FLVCR2: variants seen among roughly 807,000 people sequenced by gnomAD.
FLVCR2 encodes choline/ethanolamine transporter FLVCR2.
A neutral mutation model predicts 48.9 loss-of-function variants in FLVCR2; 38 were observed. That is an observed-to-expected ratio of 0.78 (90% CI 0.60 to 1.02). The LOEUF (loss-of-function observed/expected upper bound fraction) is 1.02, where lower values mean the gene tolerates loss of function less well. FLVCR2 is among the 50% of genes least tolerant of loss of function. The pLI, the probability that FLVCR2 is intolerant of heterozygous loss-of-function variation, is 0.00. For synonymous variants in FLVCR2, 255 were observed against 257.0 expected (o/e 0.99, Z 0.07); for missense variants, 664 against 663.3 (o/e 1.00, Z -0.01).
rs188965464 is a variant in FLVCR2 at position 75,636,079 on chromosome 14, A to T, written c.1124+1066A>T. Among the ~76,000 whole-genome samples the T allele has an allele frequency of 9.2e-5, 14 of 152,280 alleles. No individual in the cohort carries two copies. The East Asian group carries it at 2.7e-3, about 29-fold the overall frequency. ...TGTGATTTTCCAGTGCTCCCCGTTC[A>T]CTGGGTACTCAGTTAGCACTGGCTG... On this transcript the variant is annotated intron_variant, in intron 5 of 9. Coordinates refer to ENST00000238667, the MANE Select transcript of FLVCR2 (RefSeq NM_017791.3).
At chr14:75,609,121 ATAT>A (rs1889372251) in intron 1 of FLVCR2, among the ~76,000 whole-genome samples, 1 of 152,118 alleles carries the variant, frequency 6.6e-6, no homozygotes, top group African/African-American at 2.4e-5. Flanking sequence ...TATTGAACAA[ATAT>A]TATTGAGCAT....
At chr14:75,611,999 C>T (rs574409166) in intron 1 of FLVCR2, among the ~76,000 whole-genome samples, 2 of 152,206 alleles carry the variant, frequency 1.3e-5, no homozygotes, top group African/African-American at 2.4e-5. Context: ...AGTTTAGCCT[C>T]ATCGCTTACT....
chr14:75,582,294 G>A (rs535627530), intron 1 of FLVCR2, among the ~76,000 whole-genome samples: 1 of 152,330 alleles, frequency 6.6e-6, no homozygotes, highest in East Asian at 1.9e-4. Context: ...CAGCATGGTG[G>A]TGTAGGATAT....
At chr14:75,645,884 C>T (rs1566799582) in intron 9 of FLVCR2, among the ~76,000 whole-genome samples, 2 of 146,592 alleles carry the variant, frequency 1.4e-5, no homozygotes, top group Admixed American at 6.9e-5. Flanking sequence ...CGCCATTGCA[C>T]TCCAGCCTAG....
At position 75,634,927 on chromosome 14, in the gene FLVCR2, TG is replaced by T. The variant is rs1253649519; in HGVS notation, c.1040del (p.Gly347GlufsTer5). 4 of 1,613,582 alleles carry T rather than the reference TG, an allele frequency of 2.5e-6. No individual in the cohort carries two copies. The highest frequency in any genetic ancestry group is 3.4e-6 in the Non-Finnish European group (4 of 1,179,638). On this transcript the variant is annotated frameshift_variant, in exon 5 of 10. Transcript: ENST00000238667. LOFTEE classifies it high-confidence loss of function. The part of the protein sequence containing the change: ...WHYPGEEVNA[G>X]RIGLTIVIAG... ...TTCCCCAGGGGGAAGAAGTGAATGC[TG>T]GAAGAATTGGCCTGACGATCGTCAT... is the stretch of plus-strand genomic sequence containing the variant.
rs33996926 is a variant in FLVCR2 at position 75,645,917 on chromosome 14, CAAA to C, written c.1510-464_1510-462del. Among the ~76,000 whole-genome samples the C allele has an allele frequency of 2.9e-3, 272 of 93,864 alleles. 1 individual carries two copies. The highest frequency in any genetic ancestry group is 8.8e-3 in the East Asian group (26 of 2,946). The allele number at this position is 93,864 out of a possible 152,430, so 61.6% of individuals were successfully genotyped here. On this transcript the variant is annotated intron_variant, in intron 9 of 9. Transcript: ENST00000238667. ...TAGGCAGCAAAGTGAGACTCCATCT[CAAA>C]AAAAAAAAAAAAAAAAAAAGTATTC... is the stretch of plus-strand genomic sequence containing the variant.
Position 75,578,909 on chromosome 14 carries a change from C to T in FLVCR2, c.-64C>T, listed in dbSNP as rs899158556. 6.9e-7 allele frequency: 1 copy of T among 1,456,508 alleles called. No individual in the cohort carries two copies. The highest frequency in any genetic ancestry group is 9.6e-7 in the Non-Finnish European group (1 of 1,037,536). The allele number at this position is 1,456,508 out of a possible 1,614,324, so 90.2% of individuals were successfully genotyped here. On this transcript the variant is annotated 5_prime_UTR_variant, in exon 1 of 10. Coordinates refer to ENST00000238667, the MANE Select transcript of FLVCR2 (RefSeq NM_017791.3). ...TCAACTCTAAGAGACCAGCAGAGGC[C>T]ACTGTCCCTTAAGACTGCCGGAGTC...
chr14:75,646,606 G>A lies in FLVCR2; in HGVS notation c.*134G>A. 4.1e-6 allele frequency: 3 copies of A among 726,952 alleles called. No homozygotes were observed. Among genetic ancestry groups the A allele is most frequent in the Non-Finnish European group, 7.5e-6 (3 of 397,736 alleles). The allele number at this position is 726,952 out of a possible 1,614,324, so 45.0% of individuals were successfully genotyped here. ...AGTGGGACTATTTGTGGCATGGATG[G>A]CCTATTCCTCCTAGAACCCACGTAA... On this transcript the variant is annotated 3_prime_UTR_variant, in exon 10 of 10. Transcript: ENST00000238667.
chr14:75,645,470 G>C (rs1007316381), intron 9 of FLVCR2, among the ~76,000 whole-genome samples: 2 of 152,116 alleles, frequency 1.3e-5, no homozygotes, highest in Non-Finnish European at 2.9e-5. Flanking sequence ...TAATTTCCAG[G>C]CCATGTTGAA....
chr14:75,616,026 CAAAAAAAAAAA>C (rs10629813), intron 1 of FLVCR2, among the ~76,000 whole-genome samples: 3 of 25,634 alleles, frequency 1.2e-4, no homozygotes, highest in Admixed American at 8.3e-4. Context: ...GACTCCATCT[CAAAAAAAAAAA>C]AAAAAAAAAA....
chr14:75,642,841 A>G (rs1890333424), intron 9 of FLVCR2, among the ~76,000 whole-genome samples: 2 of 152,184 alleles, frequency 1.3e-5, no homozygotes, highest in Admixed American at 6.5e-5. Flanking sequence ...CAAGCACTTT[A>G]TCAGGCAACT....
intron 5 of FLVCR2, among the ~76,000 whole-genome samples, chr14:75,636,507 G>T (rs1033283770): frequency 6.6e-6 from 1 of 152,184 alleles, no homozygotes; most frequent in Non-Finnish European, 1.5e-5. Context: ...GGATGGGAAT[G>T]CTGGCTGGGC....
chr14:75,602,127 A>C (rs1357966194), intron 1 of FLVCR2, among the ~76,000 whole-genome samples: 1 of 152,230 alleles, frequency 6.6e-6, no homozygotes, highest in Non-Finnish European at 1.5e-5. Flanking sequence ...TCCAAGCCCT[A>C]TCCTGCCACC....
chr14:75,594,851 T>C (rs1268300152), intron 1 of FLVCR2, among the ~76,000 whole-genome samples: 1 of 152,098 alleles, frequency 6.6e-6, no homozygotes, highest in Non-Finnish European at 1.5e-5. Flanking sequence ...CCAGAGTAGC[T>C]GGGACCATAG....
At position 75,605,409 on chromosome 14, in the gene FLVCR2, G is replaced by A. The variant is rs1594798689; in HGVS notation, c.670-16670G>A. Reference sequence around the variant, plus strand: ...AGAGCTAAGGGCCTTTTTCTTTGGTGAGTCATTCATAGGTGGGAGGGCACC... The same window carrying A: ...AGAGCTAAGGGCCTTTTTCTTTGGTAAGTCATTCATAGGTGGGAGGGCACC... On this transcript the variant is annotated intron_variant, in intron 1 of 9. Coordinates refer to ENST00000238667, the MANE Select transcript of FLVCR2 (RefSeq NM_017791.3). 1.6e-5 allele frequency: 23 copies of A among 1,426,314 alleles called. No individual in the cohort carries two copies. In the South Asian group the frequency reaches 3.4e-4, roughly 21 times the overall value. The allele number at this position is 1,426,314 out of a possible 1,614,324, so 88.4% of individuals were successfully genotyped here. A position where few individuals can be genotyped will look rare whatever the true frequency, so the allele number is the denominator to read the frequency against.
At chr14:75,595,694 ACTGT>A in intron 1 of FLVCR2, 1 of 602,012 alleles carries the variant, frequency 1.7e-6, no homozygotes, top group East Asian at 2.7e-5. Context: ...TGCTCACATG[ACTGT>A]CTACTTTTTG....
At chr14:75,590,459 T>C (rs1888854188) in intron 1 of FLVCR2, among the ~76,000 whole-genome samples, 1 of 152,218 alleles carries the variant, frequency 6.6e-6, no homozygotes, top group Non-Finnish European at 1.5e-5. Context: ...TCATTCCATC[T>C]CTATAGTCCT....
intron 1 of FLVCR2, among the ~76,000 whole-genome samples, chr14:75,600,040 G>A (rs143544129): frequency 0.011 from 1,617 of 152,292 alleles, 13 homozygotes; most frequent in South Asian, 0.048. Context: ...CACAGGATGA[G>A]ATAGGAGGTT....
Position 75,634,948 on chromosome 14 carries a change from C to G in FLVCR2, c.1059C>G (p.Ile353Met), listed in dbSNP as rs775087998. Residue 353 changes from isoleucine (I) to methionine (M), a missense_variant, in exon 5 of 10, where the codon ATC (isoleucine) becomes ATG (methionine). Transcript: ENST00000238667. ...EVNAGRIGLT[I>M]VIAGMLGAVI... Reference sequence around the variant, plus strand: ...ATGCTGGAAGAATTGGCCTGACGATCGTCATTGCAGGAATGCTTGGGGCTG... The same window carrying G: ...ATGCTGGAAGAATTGGCCTGACGATGGTCATTGCAGGAATGCTTGGGGCTG... The G allele has an allele frequency of 2.5e-6, 4 of 1,613,980 alleles. No individual in the cohort carries two copies. Among genetic ancestry groups the G allele is most frequent in the East Asian group, 2.2e-5 (1 of 44,880 alleles).
Sources: allele counts gnomAD v4.1 joint callset (sites outside exome capture counted in the v4.1 genomes callset), GRCh38; gene constraint gnomAD v4.1.1; transcripts MANE v1.5; gene names NCBI Gene and HGNC (gene_info 2026-07-23, HGNC 2026-07-21).